The following CDC42SE2 variants were observed in gnomAD, a reference collection of about 807,000 sequenced individuals.
CDC42SE2 encodes the protein CDC42 small effector protein 2.
A neutral mutation model predicts 11.5 loss-of-function variants in CDC42SE2; 3 were observed. That is an observed-to-expected ratio of 0.26 (90% confidence interval 0.12 to 0.67). CDC42SE2 has a LOEUF of 0.67. CDC42SE2 is among the 30% of genes least tolerant of loss of function. The probability of loss-of-function intolerance (pLI) is 0.80; values close to 1 mark genes in which losing one functional copy is unlikely to be tolerated. For missense variants in CDC42SE2, 82 were observed against 106.8 expected, an observed-to-expected ratio of 0.77 and a Z score of 1.02; for synonymous variants, 33 against 34.8, an observed-to-expected ratio of 0.95 and a Z score of 0.18.
chr5:131,236,070 C>T, the CDC42SE2 span, among the ~76,000 whole-genome samples: 1 of 152,148 alleles, frequency 6.6e-6, no homozygotes, highest in Non-Finnish European at 1.5e-5. Flanking sequence ...CATCGTATGT[C>T]CTTTCCTTTA....
At chr5:131,225,905 A>G in the CDC42SE2 span, among the ~76,000 whole-genome samples, 1 of 152,204 alleles carries the variant, frequency 6.6e-6, no homozygotes, top group African/African-American at 2.4e-5. Context: ...GCATCCCAAG[A>G]GTGTTGGATC....
At chr5:131,335,716 T>C (rs1259916024) in intron 2 of CDC42SE2, among the ~76,000 whole-genome samples, 1 of 152,234 alleles carries the variant, frequency 6.6e-6, no homozygotes, top group African/African-American at 2.4e-5. Flanking sequence ...CCTTTACCAT[T>C]ATGTAATGAC....
At chr5:131,299,188 T>C (rs563968738) in intron 1 of CDC42SE2, among the ~76,000 whole-genome samples, 2 of 152,192 alleles carry the variant, frequency 1.3e-5, no homozygotes, top group Non-Finnish European at 2.9e-5. Flanking sequence ...GAGGAGACTT[T>C]CCTGAGGATA....
chr5:131,321,984 G>T (rs985808690), intron 2 of CDC42SE2, among the ~76,000 whole-genome samples: 1 of 152,090 alleles, frequency 6.6e-6, no homozygotes, highest in Non-Finnish European at 1.5e-5. Context: ...CCAAGTAGCT[G>T]GGACTACAGG....
intron 1 of CDC42SE2, among the ~76,000 whole-genome samples, chr5:131,295,723 C>G (rs1757557668): frequency 6.6e-6 from 1 of 151,046 alleles, no homozygotes; most frequent in Non-Finnish European, 1.5e-5. Flanking sequence ...TGCTCTGTCA[C>G]CCAGGCTGGA....
At chr5:131,275,741 C>G (rs1012228793) in intron 1 of CDC42SE2, among the ~76,000 whole-genome samples, 1 of 152,012 alleles carries the variant, frequency 6.6e-6, no homozygotes, top group African/African-American at 2.4e-5. Flanking sequence ...ACTGAGATAG[C>G]TCGATGGTAT....
Position 131,268,131 on chromosome 5 carries a change from C to T in CDC42SE2, c.-455+3965C>T, listed in dbSNP as rs572207570. 1.2e-4 allele frequency among the ~76,000 whole-genome samples: 16 copies of T among 136,326 alleles called. No homozygotes were observed. In the East Asian group the frequency reaches 3.3e-3, roughly 29 times the overall value. 89.4% of individuals were successfully genotyped at this position (136,326 alleles called of 152,430 possible). ...AGGCTGGAGTGCAATGGCGCAATCT[C>T]GGCTCACTGCAACCTCTGTCTCCTG... On this transcript the variant is annotated intron_variant, in intron 1 of 4. Transcript: ENST00000505065.
intron 2 of CDC42SE2, among the ~76,000 whole-genome samples, chr5:131,338,145 TTA>T (rs1229979152): frequency 6.6e-6 from 1 of 152,252 alleles, no homozygotes; most frequent in Admixed American, 6.5e-5. Flanking sequence ...AGTAACTGTG[TTA>T]TATATGAACA....
upstream of CDC42SE2, among the ~76,000 whole-genome samples, chr5:131,245,015 A>C (rs1211685880): frequency 2.0e-5 from 3 of 152,216 alleles, no homozygotes; most frequent in African/African-American, 7.2e-5. Context: ...GTGGCTGCTC[A>C]GAATTGCAGC....
At chr5:131,237,011 T>C in the CDC42SE2 span, among the ~76,000 whole-genome samples, 1 of 152,250 alleles carries the variant, frequency 6.6e-6, no homozygotes, top group Non-Finnish European at 1.5e-5. Context: ...TGGCTTATTT[T>C]TCCACATAAA....
intron 1 of CDC42SE2, among the ~76,000 whole-genome samples, chr5:131,265,697 A>C: frequency 6.6e-6 from 1 of 152,208 alleles, no homozygotes; most frequent in East Asian, 1.9e-4. Flanking sequence ...CAGCCTTTAA[A>C]GGTTAATAAG....
chr5:131,368,323 C>T (rs185438295), intron 3 of CDC42SE2, among the ~76,000 whole-genome samples: 55 of 151,968 alleles, frequency 3.6e-4, no homozygotes, highest in Non-Finnish European at 7.4e-4. Context: ...TCAGGCTTCC[C>T]TACATGCATG....
chr5:131,293,131 G>T (rs1042949646), intron 1 of CDC42SE2, among the ~76,000 whole-genome samples: 1 of 151,828 alleles, frequency 6.6e-6, no homozygotes, highest in South Asian at 2.1e-4. Context: ...ATTCTAACCC[G>T]CAACGTGATG....
chr5:131,309,399 A>G (rs984692168), intron 1 of CDC42SE2, among the ~76,000 whole-genome samples: 3 of 152,106 alleles, frequency 2.0e-5, no homozygotes, highest in Admixed American at 2.0e-4. Context: ...ATATTGGTCT[A>G]AAATTCTCTT....
chr5:131,330,910 T>C (rs1242516406), intron 2 of CDC42SE2, among the ~76,000 whole-genome samples: 2 of 150,792 alleles, frequency 1.3e-5, no homozygotes, highest in Non-Finnish European at 2.9e-5. Flanking sequence ...CCTGTAGTCA[T>C]AGCTACTCTA....
At chr5:131,275,656 T>TTTTTC (rs61129956) in intron 1 of CDC42SE2, among the ~76,000 whole-genome samples, 382 of 150,628 alleles carry the variant, frequency 2.5e-3, no homozygotes, top group African/African-American at 8.5e-3. Context: ...AACTTCATTA[T>TTTTTC]TTTTCTTTTC....
chr5:131,354,752 A>G (rs746342449), intron 2 of CDC42SE2: 3 of 152,222 alleles, frequency 2.0e-5, no homozygotes, highest in Non-Finnish European at 1.5e-5. Context: ...ACAAAAAAGC[A>G]TCTTATATCA....
the CDC42SE2 span, among the ~76,000 whole-genome samples, chr5:131,239,339 A>G: frequency 6.6e-6 from 1 of 152,040 alleles, no homozygotes; most frequent in Non-Finnish European, 1.5e-5. Flanking sequence ...CAGGAGGCTA[A>G]GATGGGAGTA....
chr5:131,215,250 T>C, the CDC42SE2 span, among the ~76,000 whole-genome samples: 1 of 152,222 alleles, frequency 6.6e-6, no homozygotes, highest in South Asian at 2.1e-4. Context: ...TGGGCTTCTG[T>C]TTCTTTTCCT....
Sources: allele counts gnomAD v4.1 joint callset (sites outside exome capture counted in the v4.1 genomes callset), GRCh38; gene constraint gnomAD v4.1.1; transcripts MANE v1.5; gene names NCBI Gene and HGNC (gene_info 2026-07-23, HGNC 2026-07-21).